GLI1: variants seen among roughly 807,000 people sequenced by gnomAD.
The protein encoded by GLI1 is transcription activator GLI1.
In GLI1, 51 loss-of-function variants were observed where a neutral mutation model predicts 87.8. The ratio of observed to expected loss-of-function variants is 0.58; its 90% CI spans 0.46 to 0.73. The LOEUF is 0.73. Among genes scored for constraint, GLI1 ranks in the 30% least tolerant of loss-of-function variants. The pLI, the probability that GLI1 is intolerant of heterozygous loss-of-function variation, is 0.00. For missense variants in GLI1, 1,292 were observed against 1,437.2 expected (o/e 0.90, Z 1.63); for synonymous variants, 528 against 558.2 (o/e 0.95, Z 0.76).
intron 7 of GLI1, 28 bp from the exon 8 acceptor site, chr12:57,466,212 T>C (rs543752967): frequency 6.2e-7 from 1 of 1,600,734 alleles, no homozygotes; most frequent in African/African-American, 1.3e-5. Flanking sequence ...GGGAGAGCCT[T>C]GGAGAGCCTT....
At chr12:57,465,344 G>A in intron 5 of GLI1, 89 bp downstream of exon 5, 2 of 1,247,064 alleles carry the variant, frequency 1.6e-6, no homozygotes, top group Middle Eastern at 2.8e-4. Context: ...GGAAGGACAA[G>A]GGATATAAGT....
Position 57,469,608 on chromosome 12 carries a change from C to A in GLI1, c.1486C>A (p.Arg496Ser). The change falls in exon 11 of 12, where the codon CGC becomes AGC. Residue 496 changes from arginine (R) to serine (S), a missense_variant. By Grantham distance (110) the Arg-to-Ser change is moderately radical. Around this residue, in one of 3 missense-constraint regions of GLI1, gnomAD observed 897 missense variants for 1,040.7 expected, o/e 0.86. Coordinates refer to ENST00000228682, the MANE Select transcript of GLI1 (RefSeq NM_005269.3). Reference sequence around the variant, plus strand: ...TGCTGGCACTGGTCTGTCCACTCTTCGCCGCCTTGAGAACCTCAGGCTGGA... The same window carrying A: ...TGCTGGCACTGGTCTGTCCACTCTTAGCCGCCTTGAGAACCTCAGGCTGGA... ...CIAGTGLSTLRRLENLRLDQL... is the reference protein window; with the variant it reads ...CIAGTGLSTLSRLENLRLDQL... 1 of 1,614,118 alleles carries A rather than the reference C, an allele frequency of 6.2e-7. No individual in the cohort carries two copies.
chr12:57,461,072 C>T (rs1400888631), intron 1 of GLI1, among the ~76,000 whole-genome samples: 1 of 152,178 alleles, frequency 6.6e-6, no homozygotes, highest in Non-Finnish European at 1.5e-5. Context: ...CCTGCCCTTG[C>T]TCCCCGCTCT....
intron 1 of GLI1, among the ~76,000 whole-genome samples, chr12:57,462,962 C>T (rs527482478): frequency 6.6e-6 from 1 of 152,300 alleles, no homozygotes; most frequent in African/African-American, 2.4e-5. Context: ...ACGAGTTCTC[C>T]CATCCCACCC....
At chr12:57,465,349 A>G (rs1566559332) in intron 5 of GLI1, 94 bp downstream of exon 5, 2 of 1,205,506 alleles carry the variant, frequency 1.7e-6, no homozygotes, top group Non-Finnish European at 2.3e-6. Flanking sequence ...GACAAGGGAT[A>G]TAAGTTTTCA....
chr12:57,464,880 C>T lies in GLI1; in HGVS notation c.389+12C>T, dbSNP rs928478574. On this transcript the variant is annotated intron_variant, in intron 4 of 11. Coordinates refer to ENST00000228682, the MANE Select transcript of GLI1 (RefSeq NM_005269.3). ...ATTGGCACCATGAGGTGCAGTCAGC[C>T]CCGGGCCAAGAGGCCCCTAAAGCCC... is the stretch of plus-strand genomic sequence containing the variant. 12 of 1,603,664 alleles carry T rather than the reference C, an allele frequency of 7.5e-6. No individual in the cohort carries two copies. The highest frequency in any genetic ancestry group is 1.0e-5 in the Non-Finnish European group (12 of 1,171,064).
chr12:57,461,912 G>A (rs913746108), intron 1 of GLI1, among the ~76,000 whole-genome samples: 1 of 152,324 alleles, frequency 6.6e-6, no homozygotes, highest in Middle Eastern at 3.4e-3. Flanking sequence ...GTCCCATCCC[G>A]AACTCTCACA....
At position 57,470,624 on chromosome 12, in the gene GLI1, A is replaced by T. The variant is rs1324916083; in HGVS notation, c.1884A>T (p.Gly628=). The change falls in exon 12 of 12, where the codon GGA becomes GGT. Residue 628 remains glycine (G), a synonymous_variant. Coordinates refer to ENST00000228682, the MANE Select transcript of GLI1 (RefSeq NM_005269.3). The part of the protein sequence containing the change: ...PPWRSRAEYP[G]YNPNAGVTRR... ...GGAGAAGCCGAGCCGAGTATCCAGG[A>T]TACAACCCCAATGCAGGGGTCACCC... The T allele has an allele frequency of 6.2e-7, 1 of 1,613,998 alleles. No individual in the cohort carries two copies. The highest frequency in any genetic ancestry group is 1.7e-4 in the Middle Eastern group (1 of 6,060).
At chr12:57,461,835 G>T (rs1171173760) in intron 1 of GLI1, among the ~76,000 whole-genome samples, 3 of 152,194 alleles carry the variant, frequency 2.0e-5, no homozygotes, top group Non-Finnish European at 4.4e-5. Context: ...GTGCGAGGGG[G>T]ACGCTGGAAA....
chr12:57,470,571 C>G lies in GLI1; in HGVS notation c.1831C>G (p.Arg611Gly). 2 of 1,614,064 alleles carry G rather than the reference C, an allele frequency of 1.2e-6. No homozygotes were observed. Among genetic ancestry groups the G allele is most frequent in the Non-Finnish European group, 1.7e-6 (2 of 1,180,028 alleles). The change falls in exon 12 of 12, where the codon CGG (arginine) becomes GGG (glycine). Residue 611 changes from arginine to glycine, a missense_variant. This residue lies in a region of GLI1 where 897 missense variants were observed against 1,040.7 expected (regional missense o/e 0.86). Transcript: ENST00000228682. ...GCCCACTGCAGCATCCAGCCTGGATCGGATAGGTGGTCTTCCCATGCCTCC... is the reference window on the plus strand; with the variant it reads ...GCCCACTGCAGCATCCAGCCTGGATGGGATAGGTGGTCTTCCCATGCCTCC... Reference protein sequence around the residue: ...TSPTAASSLDRIGGLPMPPWR... With the variant: ...TSPTAASSLDGIGGLPMPPWR...
Position 57,471,200 on chromosome 12 carries a change from C to T in GLI1, c.2460C>T (p.Cys820=), listed in dbSNP as rs1370901839. ...TGCAAGTCAAGCCAGAACAGGGGTGCCCAGTGGGGTCTGACTCCACAGGAC... is the reference window on the plus strand; with the variant it reads ...TGCAAGTCAAGCCAGAACAGGGGTGTCCAGTGGGGTCTGACTCCACAGGAC... ...GQVQVKPEQG[C]PVGSDSTGLA... is the part of the protein sequence containing the mutation. Residue 820 remains cysteine (C), a synonymous_variant, in exon 12 of 12, where the codon TGC becomes TGT. Transcript: ENST00000228682. This position sits in a 1 kb window ranked among gnomAD's most constrained non-coding sequence, Gnocchi z 4.9. 6.3e-7 allele frequency: 1 copy of T among 1,599,340 alleles called. No individual in the cohort carries two copies. The highest frequency in any genetic ancestry group is 2.2e-5 in the East Asian group (1 of 44,772).
chr12:57,460,696 AC>A (rs1450501212), intron 1 of GLI1: 1 of 136,908 alleles, frequency 7.3e-6, no homozygotes, highest in Non-Finnish European at 1.5e-5. Flanking sequence ...TGAACCTTTG[AC>A]CTGTCTTGTG....
rs1352577490 is a variant in GLI1, at chr12:57,470,459, T to C, written c.1719T>C (p.Asn573=). 1.9e-6 allele frequency: 3 copies of C among 1,614,100 alleles called. No individual in the cohort carries two copies. Among genetic ancestry groups the C allele is most frequent in the Non-Finnish European group, 1.7e-6 (2 of 1,180,000 alleles). The change falls in exon 12 of 12, where the codon AAT becomes AAC. Residue 573 remains asparagine (N), a synonymous_variant. Transcript: ENST00000228682. ...TCCCCCCTGGCTCCCCACCAGAGAA[T>C]GGAGCATCCTCCCTGCCTGGCCTTA... ...SPFPPGSPPE[N]GASSLPGLMP... is the part of the protein sequence containing the mutation.
At chr12:57,469,308 C>G in intron 10 of GLI1, 123 bp from the exon 11 acceptor site, 1 of 925,258 alleles carries the variant, frequency 1.1e-6, no homozygotes, top group Non-Finnish European at 1.6e-6. Context: ...CCTGCTTAGC[C>G]CTTTCTACAC....
In GLI1 at chr12:57,463,688, C is replaced by A; in HGVS notation, c.-4C>A. 1 of 1,592,454 alleles carries A rather than the reference C, an allele frequency of 6.3e-7. No homozygotes were observed. The highest frequency in any genetic ancestry group is 1.1e-5 in the South Asian group (1 of 90,702). On this transcript the variant is annotated 5_prime_UTR_variant, in exon 2 of 12. Transcript: ENST00000228682. Reference sequence around the variant, plus strand: ...AGTGTCCCCACACCCTCCTCTGAGACGCCATGTTCAACTCGATGACCCCAC... The same window carrying A: ...AGTGTCCCCACACCCTCCTCTGAGAAGCCATGTTCAACTCGATGACCCCAC...
intron 1 of GLI1, among the ~76,000 whole-genome samples, chr12:57,461,311 C>T (rs1278604000): frequency 8.6e-5 from 13 of 151,878 alleles, no homozygotes; most frequent in Admixed American, 2.6e-4. Flanking sequence ...CCCTAGGGGG[C>T]GGGGTCCAGA....
chr12:57,464,560 T>A, intron 3 of GLI1, 113 bp from the exon 4 acceptor site: 3 of 657,020 alleles, frequency 4.6e-6, no homozygotes, highest in Non-Finnish European at 7.8e-6. Context: ...ATAGCATCAA[T>A]AGGGCAAAGC....
At chr12:57,465,571 C>T (rs531956126) in intron 5 of GLI1, 36 bp from the exon 6 acceptor site, 1 of 1,549,476 alleles carries the variant, frequency 6.5e-7, no homozygotes, top group Non-Finnish European at 8.9e-7. Context: ...CTGCTTACTT[C>T]CACCCTCATC....
chr12:57,463,623 C>G (rs775827143), intron 1 of GLI1, 42 bp from the exon 2 acceptor site: 3 of 926,560 alleles, frequency 3.2e-6, no homozygotes, highest in Non-Finnish European at 3.6e-6. Context: ...GTCTGACAGT[C>G]TCTATTTCCT....
Sources: allele counts gnomAD v4.1 joint callset (sites outside exome capture counted in the v4.1 genomes callset), GRCh38; gene constraint gnomAD v4.1.1; regional missense constraint gnomAD v4.1.1; non-coding constraint Gnocchi (gnomAD v3.1); transcripts MANE v1.5; gene names NCBI Gene and HGNC (gene_info 2026-07-23, HGNC 2026-07-21).